ARRDC2: variants seen among roughly 807,000 people sequenced by gnomAD.
ARRDC2 encodes the protein arrestin domain containing 2.
A neutral mutation model predicts 38.9 loss-of-function variants in ARRDC2; 39 were observed. The ratio of observed to expected loss-of-function variants is 1.00; its 90% CI spans 0.78 to 1.31. The LOEUF (loss-of-function observed/expected upper bound fraction) is 1.31. Among genes scored for constraint, ARRDC2 ranks in the 50% most tolerant of loss-of-function variants. The probability of loss-of-function intolerance (pLI) is 0.00; values close to 1 mark genes in which losing one functional copy is unlikely to be tolerated. For synonymous variants in ARRDC2, 300 were observed against 261.9 expected, an observed-to-expected ratio of 1.15 and a Z score of -1.41; for missense variants, 553 against 588.4, an observed-to-expected ratio of 0.94 and a Z score of 0.62.
At chr19:18,009,191 C>G in intron 3 of ARRDC2, 73 bp downstream of exon 3, 1 of 1,543,552 alleles carries the variant, frequency 6.5e-7, no homozygotes, top group Non-Finnish European at 8.8e-7. Flanking sequence ...TGGGCGACAC[C>G]AACCAATAAG....
upstream of ARRDC2, chr19:18,008,032 T>G: frequency 3.4e-5 from 29 of 851,926 alleles, no homozygotes; most frequent in East Asian, 1.2e-4. Context: ...GGGGCGTTTG[T>G]TATTTTGCTC....
chr19:18,005,947 C>A (rs951779452), upstream of ARRDC2, among the ~76,000 whole-genome samples: 22 of 149,352 alleles, frequency 1.5e-4, no homozygotes, highest in African/African-American at 5.2e-4. Flanking sequence ...ACCTCCCAGA[C>A]GGGGTCGCGG....
chr19:18,001,196 G>T (rs932959769), exon 1 of ARRDC2: 5 of 1,053,932 alleles, frequency 4.7e-6, no homozygotes, highest in Non-Finnish European at 5.8e-6. Context: ...TCGCCGGGGG[G>T]GCCCGGAGGA....
At chr19:18,008,124 C>G, upstream of ARRDC2, 2 of 766,804 alleles carry the variant, frequency 2.6e-6, no homozygotes, top group South Asian at 1.9e-5. Context: ...TGACCCCACC[C>G]CCCCCCGCCC....
rs148004344 is a variant in ARRDC2, at chr19:18,010,021, C to T, written c.831C>T (p.His277=). ...GPSILHCRVL[H]VDYALKVCVD... ...CCATCCTGCACTGCCGCGTTCTACA[C>T]GTGGACTACGCACTCAAGGTAGGGC... The change falls in exon 5 of 8, where the codon CAC becomes CAT. Residue 277 remains histidine (H), a synonymous_variant. Transcript: ENST00000222250. 155 of 1,602,474 alleles carry T rather than the reference C, an allele frequency of 9.7e-5. No individual in the cohort carries two copies. The African/African-American group carries it at 1.9e-3, about 20-fold the overall frequency.
chr19:18,009,178 T>C (rs2033351311), intron 3 of ARRDC2, 60 bp downstream of exon 3: 18 of 1,578,966 alleles, frequency 1.1e-5, no homozygotes, highest in Non-Finnish European at 1.4e-5. Flanking sequence ...CCTGCCTGGC[T>C]GCTGGGCGAC....
rs71164342 is a variant in ARRDC2 at position 18,011,952 on chromosome 19, A to ATTT, written c.1171-941_1171-939dup. Among the ~76,000 whole-genome samples, 194 of 100,758 alleles carry ATTT rather than the reference A, an allele frequency of 1.9e-3. 2 individuals carry two copies. Among genetic ancestry groups the ATTT allele is most frequent in the African/African-American group, 5.5e-3 (130 of 23,448 alleles). 66.1% of individuals were successfully genotyped at this position (100,758 alleles called of 152,430 possible). A position where few individuals can be genotyped will look rare whatever the true frequency, so the allele number is the denominator to read the frequency against. On this transcript the variant is annotated intron_variant, in intron 7 of 7. Transcript: ENST00000222250. ...TATATGTGTATATATATATATATAT[A>ATTT]TTTTTTTTTTTTTTTTTTTTTTGAG...
At chr19:18,004,438 G>A (rs754976372), upstream of ARRDC2, among the ~76,000 whole-genome samples, 1 of 148,710 alleles carries the variant, frequency 6.7e-6, no homozygotes, top group Non-Finnish European at 1.5e-5. Context: ...GTAGAGACGG[G>A]GTGTCTCCAT....
chr19:18,007,259 C>G (rs1037668557), upstream of ARRDC2: 6 of 152,400 alleles, frequency 3.9e-5, no homozygotes, highest in Admixed American at 6.5e-5. Context: ...CACGCCGTCC[C>G]GTGGCCACAC....
chr19:18,013,132 A>G lies in ARRDC2; in HGVS notation c.*166A>G, dbSNP rs2033447340. ...TTCGGATATCACATGGGACAGAGGAAGAGCCCGGCTGGAATCTGACTTACC... is the reference window on the plus strand; with the variant it reads ...TTCGGATATCACATGGGACAGAGGAGGAGCCCGGCTGGAATCTGACTTACC... On this transcript the variant is annotated 3_prime_UTR_variant, in exon 8 of 8. Transcript: ENST00000222250. 5 of 676,230 alleles carry G rather than the reference A, an allele frequency of 7.4e-6. No homozygotes were observed. Among genetic ancestry groups the G allele is most frequent in the South Asian group, 5.8e-5 (3 of 51,588 alleles). The allele number at this position is 676,230 out of a possible 1,614,324, so 41.9% of individuals were successfully genotyped here.
At chr19:18,005,993 G>A (rs923116288), upstream of ARRDC2, among the ~76,000 whole-genome samples, 52 of 151,382 alleles carry the variant, frequency 3.4e-4, no homozygotes, top group Admixed American at 8.5e-4. Flanking sequence ...CAGACGGGGC[G>A]GCGGGGCAGA....
chr19:18,008,283 C>T lies in ARRDC2; in HGVS notation c.-28C>T, dbSNP rs1294537539. 1.9e-6 allele frequency: 3 copies of T among 1,585,160 alleles called. No individual in the cohort carries two copies. The highest frequency in any genetic ancestry group is 1.4e-5 in the African/African-American group (1 of 72,884). On this transcript the variant is annotated 5_prime_UTR_variant, in exon 1 of 8. Coordinates refer to ENST00000222250, the MANE Select transcript of ARRDC2 (RefSeq NM_015683.2). The stretch of plus-strand genomic sequence containing the variant: ...TTCGCGAGTTCGAGGCCAGGTTCCG[C>T]CTGTCGTGGGTTCGCACCCCGGACG...
rs2033441390 is a variant in ARRDC2 at position 18,012,894 on chromosome 19, A to G, written c.1171-19A>G. The G allele has an allele frequency of 1.2e-6, 2 of 1,611,804 alleles. No individual in the cohort carries two copies. The highest frequency in any genetic ancestry group is 1.1e-5 in the South Asian group (1 of 90,902). On this transcript the variant is annotated intron_variant, in intron 7 of 7. Transcript: ENST00000222250. ...TGTTTCCAGTGTTCTCTGAGGCTTA[A>G]TGGGAACATTTCTCTTAGGAGGATC...
rs760448021 is a variant in ARRDC2, at chr19:18,010,316, C to T, written c.970C>T (p.Leu324=). The T allele has an allele frequency of 3.1e-6, 5 of 1,612,518 alleles. No homozygotes were observed. Among genetic ancestry groups the T allele is most frequent in the African/African-American group, 1.3e-5 (1 of 74,942 alleles). The part of the protein sequence containing the change: ...SSSVGSHASF[L]LDWRLGALPE... ...CAGCGTGGGCAGCCACGCCAGCTTC[C>T]TGCTGGACTGGAGGCTGGGGGCCTT... is the stretch of plus-strand genomic sequence containing the variant. The change falls in exon 6 of 8, where the codon CTG becomes TTG. Residue 324 remains leucine (L), a synonymous_variant. Transcript: ENST00000222250.
Position 18,010,205 on chromosome 19 carries a change from G to T in ARRDC2, c.859G>T (p.Asp287Tyr), listed in dbSNP as rs2033383514. The part of the protein sequence containing the change: ...HVDYALKVCV[D>Y]IPGTSKLLLE... ...TGGTTCCTTCCTCCAGGTCTGTGTGGATATCCCAGGAACGTCCAAGCTGCT... is the reference window on the plus strand; with the variant it reads ...TGGTTCCTTCCTCCAGGTCTGTGTGTATATCCCAGGAACGTCCAAGCTGCT... The change falls in exon 6 of 8, where the codon GAT (aspartate) becomes TAT (tyrosine). Residue 287 changes from aspartate (D) to tyrosine (Y), a missense_variant. Asp to Tyr is a radical substitution (Grantham distance 160). Coordinates refer to ENST00000222250, the MANE Select transcript of ARRDC2 (RefSeq NM_015683.2). The T allele has an allele frequency of 2.5e-6, 4 of 1,613,374 alleles. No individual in the cohort carries two copies. The highest frequency in any genetic ancestry group is 3.4e-6 in the Non-Finnish European group (4 of 1,179,756).
upstream of ARRDC2, among the ~76,000 whole-genome samples, chr19:18,004,611 C>T (rs2033236610): frequency 6.6e-6 from 1 of 151,704 alleles, no homozygotes; most frequent in Admixed American, 6.6e-5. Flanking sequence ...ATCGCTGGAA[C>T]CCGGAAGGTG....
rs148343382 is a variant in ARRDC2 at position 18,010,925 on chromosome 19, T to C, written c.1170+196T>C. On this transcript the variant is annotated intron_variant, in intron 7 of 7. Transcript: ENST00000222250. ...GACCTCCCGGGCTCAAGCAATCCTT[T>C]CGCCTCAGCCTCTTGAGTAGCTGGG... Among the ~76,000 whole-genome samples the C allele has an allele frequency of 3.1e-3, 478 of 152,220 alleles. 1 individual carries two copies. Among genetic ancestry groups the C allele is most frequent in the African/African-American group, 0.01 (426 of 41,522 alleles).
At chr19:18,001,546 CTGCGGCGTCGGCAGCTGCTGCTCCGAG>C in exon 1 of ARRDC2, 3 of 1,381,064 alleles carry the variant, frequency 2.2e-6, no homozygotes, top group Non-Finnish European at 2.8e-6. Context: ...GGAGACCTAC[CTGCGGCGTCGGCAGCTGCTGCTCCGAG>C]GTGAGACACT....
intron 7 of ARRDC2, among the ~76,000 whole-genome samples, chr19:18,011,953 T>TG (rs371727974): frequency 1.6e-5 from 1 of 63,184 alleles, no homozygotes; most frequent in Non-Finnish European, 2.8e-5. Context: ...TATATATATA[T>TG]TTTTTTTTTT....
Sources: allele counts gnomAD v4.1 joint callset (sites outside exome capture counted in the v4.1 genomes callset), GRCh38; gene constraint gnomAD v4.1.1; transcripts MANE v1.5; gene names NCBI Gene and HGNC (gene_info 2026-07-23, HGNC 2026-07-21).